The following HIPK2 variants were observed in gnomAD, a reference collection of about 807,000 sequenced individuals.
The protein encoded by HIPK2 is homeodomain-interacting protein kinase 2.
HIPK2 carries 27 observed loss-of-function variants against 113.7 expected under a neutral mutation model. The observed-to-expected ratio is 0.24, with a 90% CI of 0.17 to 0.33. HIPK2 has a LOEUF of 0.33. Among genes scored for constraint, HIPK2 ranks in the 10% least tolerant of loss-of-function variants. The probability of loss-of-function intolerance (pLI) is 1.00; values close to 1 mark genes in which losing one functional copy is unlikely to be tolerated. For missense variants in HIPK2, 1,257 were observed against 1,588.0 expected, an observed-to-expected ratio of 0.79 and a Z score of 3.54; for synonymous variants, 631 against 642.2, an observed-to-expected ratio of 0.98 and a Z score of 0.26.
intron 2 of HIPK2, among the ~76,000 whole-genome samples, chr7:139,633,632 T>A (rs757169202): frequency 1.4e-5 from 2 of 144,032 alleles, no homozygotes; most frequent in Admixed American, 7.0e-5. Context: ...GGCAACAGAG[T>A]GAGACCCTGT....
intron 1 of HIPK2, among the ~76,000 whole-genome samples, chr7:139,717,297 T>C (rs551904511): frequency 1.3e-5 from 2 of 151,586 alleles, no homozygotes; most frequent in Non-Finnish European, 2.9e-5. Context: ...TAGGTCACCA[T>C]TTTTTTTTGT....
chr7:139,641,368 C>CAA (rs1404225110), intron 2 of HIPK2, among the ~76,000 whole-genome samples: 11,415 of 87,950 alleles, frequency 0.13, 776 homozygotes, highest in African/African-American at 0.22. Context: ...GACTCAGTCT[C>CAA]AAAAAAAAAA....
chr7:139,596,924 T>C lies in HIPK2; in HGVS notation c.2510A>G (p.Asn837Ser), dbSNP rs1799238829. ...SPQRSKRVKE[N>S]TPPRCAMVHS... is the part of the protein sequence containing the mutation. ...CACCATGGCACAGCGGGGAGGTGTG[T>C]TCTCCTTGACACGCTTGGATCGCTG... Residue 837 changes from asparagine (N) to serine (S), a missense_variant, in exon 12 of 15, where the codon AAC (asparagine) becomes AGC (serine). Around this residue, in one of 5 missense-constraint regions of HIPK2, gnomAD observed 862 missense variants for 1,004.3 expected, o/e 0.86. Transcript: ENST00000406875. The C allele has an allele frequency of 6.2e-7, 1 of 1,613,090 alleles. No individual in the cohort carries two copies. The highest frequency in any genetic ancestry group is 1.3e-5 in the African/African-American group (1 of 74,896).
chr7:139,640,675 G>A (rs1235181618), intron 2 of HIPK2, among the ~76,000 whole-genome samples: 5 of 151,950 alleles, frequency 3.3e-5, no homozygotes, highest in African/African-American at 1.2e-4. Context: ...TTTGAGACAG[G>A]GTCTCGCTCT....
At position 139,673,584 on chromosome 7, in the gene HIPK2, T is replaced by G. The variant is rs922802353; in HGVS notation, c.1104-41859A>C. The stretch of plus-strand genomic sequence containing the variant: ...GCTGAGGGAGCTGTGAGGAGGGACG[T>G]AGAGACTGGGCTGACACCAGGTGCT... On this transcript the variant is annotated intron_variant, in intron 2 of 14. Transcript: ENST00000406875. Among the ~76,000 whole-genome samples the G allele has an allele frequency of 2.0e-5, 3 of 152,244 alleles. No individual in the cohort carries two copies. The South Asian group carries it at 6.2e-4, about 32-fold the overall frequency.
intron 13 of HIPK2, 113 bp downstream of exon 13, chr7:139,583,704 C>G: frequency 6.8e-7 from 1 of 1,471,708 alleles, no homozygotes; most frequent in African/African-American, 1.4e-5. Flanking sequence ...CGCCTGCAGT[C>G]ACTGGGCACT....
At position 139,714,913 on chromosome 7, in the gene HIPK2, C is replaced by T. The variant is rs1202792116; in HGVS notation, c.1103+1019G>A. On this transcript the variant is annotated intron_variant, in intron 2 of 14. Coordinates refer to ENST00000406875, the MANE Select transcript of HIPK2 (RefSeq NM_022740.5). The surrounding 1 kb of genome is among the most constrained non-coding windows in gnomAD (Gnocchi z 4.2). ...AAGCCATGTTACAGCCATGTTACCT[C>T]CCAGCTGCCCACGAGGCTGGTGAGA... Among the ~76,000 whole-genome samples, 1 of 152,196 alleles carries T rather than the reference C, an allele frequency of 6.6e-6. No homozygotes were observed. The highest frequency in any genetic ancestry group is 2.4e-5 in the African/African-American group (1 of 41,452).
At chr7:139,724,583 A>G (rs1318704062) in intron 1 of HIPK2, among the ~76,000 whole-genome samples, 3 of 151,920 alleles carry the variant, frequency 2.0e-5, no homozygotes, top group Non-Finnish European at 4.4e-5. Context: ...CACAATGTGC[A>G]GGTTAGTTAC....
intron 1 of HIPK2, among the ~76,000 whole-genome samples, chr7:139,738,882 A>C (rs990146377): frequency 1.2e-4 from 19 of 152,196 alleles, no homozygotes; most frequent in Admixed American, 1.0e-3. Flanking sequence ...CGGGCAGGGA[A>C]TGGAACCCAG....
intron 1 of HIPK2, among the ~76,000 whole-genome samples, chr7:139,723,522 T>C (rs1389474089): frequency 1.3e-5 from 2 of 152,206 alleles, no homozygotes; most frequent in Non-Finnish European, 2.9e-5. Context: ...AAAAATGACA[T>C]TTGTTAAGGG....
In HIPK2 at chr7:139,567,874, C is replaced by G. The variant is rs772528488; in HGVS notation, c.*5053G>C. 2.6e-5 allele frequency: 4 copies of G among 152,302 alleles called. No individual in the cohort carries two copies. Among genetic ancestry groups the G allele is most frequent in the Non-Finnish European group, 5.9e-5 (4 of 68,110 alleles). 9.4% of individuals were successfully genotyped at this position (152,302 alleles called of 1,614,324 possible). Reference sequence around the variant, plus strand: ...ACAAGAGTGGTGGTCCCACACCCCACCCTGCCCTCAGCATCAGACAAAGAG... The same window carrying G: ...ACAAGAGTGGTGGTCCCACACCCCAGCCTGCCCTCAGCATCAGACAAAGAG... On this transcript the variant is annotated 3_prime_UTR_variant, in exon 15 of 15. Transcript: ENST00000406875.
At chr7:139,596,635 T>C (rs1799222794) in intron 12 of HIPK2, 82 bp downstream of exon 12, 1 of 1,534,784 alleles carries the variant, frequency 6.5e-7, no homozygotes, top group South Asian at 1.2e-5. Flanking sequence ...TCCTTATGTT[T>C]GATGATGGAA....
chr7:139,746,201 T>G (rs933297661), intron 1 of HIPK2, among the ~76,000 whole-genome samples: 10 of 152,194 alleles, frequency 6.6e-5, no homozygotes, highest in African/African-American at 2.4e-4. Flanking sequence ...GACCTGGAAC[T>G]TGTTCCAGTC....
rs113630791 is a variant in HIPK2 at position 139,621,201 on chromosome 7, C to T, written c.1620-638G>A. ...TAATAATACTCTGCAACCTCTCACT[C>T]GGTCCGGCAACATCCATAAGACGGA... On this transcript the variant is annotated intron_variant, in intron 6 of 14. Transcript: ENST00000406875. 7.3e-3 allele frequency among the ~76,000 whole-genome samples: 1,107 copies of T among 152,320 alleles called. 14 individuals are homozygous for T. Among genetic ancestry groups the T allele is most frequent in the African/African-American group, 0.025 (1,057 of 41,564 alleles).
chr7:139,604,683 C>CAAAAAAAAAAAA (rs11353760), intron 9 of HIPK2, among the ~76,000 whole-genome samples: 1 of 48,770 alleles, frequency 2.1e-5, no homozygotes, highest in African/African-American at 7.7e-5. Context: ...GACTCCGTCT[C>CAAAAAAAAAAAA]AAAAAAAAAA....
At chr7:139,576,737 G>A (rs1422248583) in intron 13 of HIPK2, among the ~76,000 whole-genome samples, 2 of 152,220 alleles carry the variant, frequency 1.3e-5, no homozygotes, top group Non-Finnish European at 1.5e-5. Context: ...TGAAGACGCT[G>A]ACAGTCAGGG....
intron 1 of HIPK2, among the ~76,000 whole-genome samples, chr7:139,742,155 T>C (rs1796113620): frequency 6.6e-6 from 1 of 152,230 alleles, no homozygotes; most frequent in Non-Finnish European, 1.5e-5. Flanking sequence ...TGGTTATAAA[T>C]TGTAGAAAGA....
At chr7:139,713,760 G>T (rs1378330685) in intron 2 of HIPK2, among the ~76,000 whole-genome samples, 1 of 152,216 alleles carries the variant, frequency 6.6e-6, no homozygotes, top group Non-Finnish European at 1.5e-5. Context: ...TTGGCATGCT[G>T]AATTTACCAA....
chr7:139,752,630 G>A (rs1372672448), intron 1 of HIPK2, among the ~76,000 whole-genome samples: 1 of 150,154 alleles, frequency 6.7e-6, no homozygotes, highest in African/African-American at 2.5e-5. Context: ...TCTTTTTGAG[G>A]ACACGATTCT....
Sources: allele counts gnomAD v4.1 joint callset (sites outside exome capture counted in the v4.1 genomes callset), GRCh38; gene constraint gnomAD v4.1.1; regional missense constraint gnomAD v4.1.1; non-coding constraint Gnocchi (gnomAD v3.1); transcripts MANE v1.5; gene names NCBI Gene and HGNC (gene_info 2026-07-23, HGNC 2026-07-21).